WWOX: variants seen among roughly 807,000 people sequenced by gnomAD.
WWOX encodes the protein WW domain-containing oxidoreductase.
Under a neutral mutation model 46.2 loss-of-function variants are expected in WWOX, and 69 were observed. The observed-to-expected ratio is 1.49, with a 90% CI of 1.23 to 1.82. The LOEUF is 1.82. Among genes scored for constraint, WWOX ranks in the 40% most tolerant of loss-of-function variants. The pLI is 0.00. For missense variants in WWOX, 919 were observed against 542.6 expected (o/e 1.69, Z -6.89); for synonymous variants, 359 against 202.6 (o/e 1.77, Z -6.56).
At chr16:78,923,589 T>C (rs1457057818) in intron 8 of WWOX, among the ~76,000 whole-genome samples, 2 of 152,140 alleles carry the variant, frequency 1.3e-5, no homozygotes, top group Non-Finnish European at 2.9e-5. Context: ...TAGCAGCTTT[T>C]TCTACAAATC....
intron 4 of WWOX, among the ~76,000 whole-genome samples, chr16:78,126,733 G>C (rs1417954030): frequency 6.6e-6 from 1 of 152,172 alleles, no homozygotes; most frequent in Non-Finnish European, 1.5e-5. Context: ...TATTATGCCA[G>C]CTGCAACTCA....
intron 8 of WWOX, among the ~76,000 whole-genome samples, chr16:79,210,014 A>T (rs746908020): frequency 1.3e-5 from 2 of 152,204 alleles, no homozygotes; most frequent in Non-Finnish European, 2.9e-5. Context: ...GGAGGTAACA[A>T]ACCAGCTACT....
At chr16:78,714,668 C>G (rs1055674851) in intron 8 of WWOX, among the ~76,000 whole-genome samples, 15 of 152,118 alleles carry the variant, frequency 9.9e-5, no homozygotes, top group African/African-American at 3.6e-4. Flanking sequence ...AATGAGACCT[C>G]TGGTAGTAAG....
chr16:78,694,508 A>C (rs566610077), intron 8 of WWOX, among the ~76,000 whole-genome samples: 1 of 152,146 alleles, frequency 6.6e-6, no homozygotes, highest in Non-Finnish European at 1.5e-5. Flanking sequence ...TATCCATTTG[A>C]AATTCAGTGC....
chr16:78,587,270 C>G (rs2045232940), intron 8 of WWOX, among the ~76,000 whole-genome samples: 1 of 146,562 alleles, frequency 6.8e-6, no homozygotes, highest in Admixed American at 7.0e-5. Context: ...TGGGCTCAAG[C>G]AATCCTCCCA....
rs572728978 is a variant in WWOX, at chr16:78,972,998, G to A, written c.1057-238610G>A. On this transcript the variant is annotated intron_variant, in intron 8 of 8. Coordinates refer to ENST00000566780, the MANE Select transcript of WWOX (RefSeq NM_016373.4). ...ATTGATTCATAAGATCCCTTCCTCC[G>A]ATCGCATTGAAGAGTTAATTATTTT... is the stretch of plus-strand genomic sequence containing the variant. 5.3e-5 allele frequency among the ~76,000 whole-genome samples: 8 copies of A among 152,252 alleles called. No individual in the cohort carries two copies. In the East Asian group the frequency reaches 7.7e-4, roughly 15 times the overall value.
chr16:78,524,490 G>A (rs9938332), intron 8 of WWOX, among the ~76,000 whole-genome samples: 6,189 of 151,758 alleles, frequency 0.041, 245 homozygotes, highest in African/African-American at 0.11. Context: ...GCATGATCTC[G>A]GCTCACTGCA....
intron 8 of WWOX, among the ~76,000 whole-genome samples, chr16:78,913,941 A>T (rs1189461585): frequency 1.3e-5 from 2 of 152,030 alleles, no homozygotes; most frequent in Non-Finnish European, 2.9e-5. Context: ...GATTATAGAC[A>T]TGATCCACTG....
At chr16:78,886,710 TAGAG>T (rs1160205918) in intron 8 of WWOX, among the ~76,000 whole-genome samples, 1 of 150,606 alleles carries the variant, frequency 6.6e-6, no homozygotes, top group African/African-American at 2.4e-5. Flanking sequence ...GAAAAACATA[TAGAG>T]AAAGAATATG....
intron 5 of WWOX, among the ~76,000 whole-genome samples, chr16:78,325,497 T>G (rs887687274): frequency 1.1e-4 from 16 of 152,186 alleles, no homozygotes; most frequent in African/African-American, 3.6e-4. Context: ...ATTATTAGAA[T>G]GACAAATGAG....
intron 8 of WWOX, among the ~76,000 whole-genome samples, chr16:78,583,673 C>T (rs576284297): frequency 2.6e-5 from 4 of 152,206 alleles, no homozygotes; most frequent in African/African-American, 4.8e-5. Context: ...CATCAGGCAG[C>T]GGGTTGGGGG....
chr16:78,498,447 A>G (rs1231463021), intron 8 of WWOX, among the ~76,000 whole-genome samples: 5 of 152,148 alleles, frequency 3.3e-5, no homozygotes, highest in Non-Finnish European at 5.9e-5. Flanking sequence ...TAAACCACAC[A>G]TGGCCTGCTC....
intron 8 of WWOX, among the ~76,000 whole-genome samples, chr16:78,695,986 C>T (rs929462456): frequency 1.3e-5 from 2 of 152,192 alleles, no homozygotes; most frequent in African/African-American, 2.4e-5. Context: ...CCCAGACCTC[C>T]TGAATGTGAA....
Position 78,343,472 on chromosome 16 carries a change from T to A in WWOX, c.517-43388T>A, listed in dbSNP as rs148722971. On this transcript the variant is annotated intron_variant, in intron 5 of 8. Transcript: ENST00000566780. ...GACCTGAAGATGTATATCCCTTGTTTTCAGATTCCTCGCCTCTCATCATGT... is the reference window on the plus strand; with the variant it reads ...GACCTGAAGATGTATATCCCTTGTTATCAGATTCCTCGCCTCTCATCATGT... 2.5e-5 allele frequency among the ~76,000 whole-genome samples: 3 copies of A among 120,788 alleles called. 1 individual carries two copies. The highest frequency in any genetic ancestry group is 8.1e-5 in the Admixed American group (1 of 12,408). The allele number at this position is 120,788 out of a possible 152,430, so 79.2% of individuals were successfully genotyped here.
chr16:79,014,428 T>G (rs1486119329), intron 8 of WWOX, among the ~76,000 whole-genome samples: 1 of 152,202 alleles, frequency 6.6e-6, no homozygotes, highest in Non-Finnish European at 1.5e-5. Flanking sequence ...TGTCTATGTT[T>G]TCCTGGATCG....
chr16:78,455,126 C>G (rs1337284770), intron 8 of WWOX, among the ~76,000 whole-genome samples: 1 of 152,094 alleles, frequency 6.6e-6, no homozygotes, highest in African/African-American at 2.4e-5. Context: ...GCTTTTCTGT[C>G]TTGAGGATAG....
At chr16:79,128,023 A>G (rs936587863) in intron 8 of WWOX, among the ~76,000 whole-genome samples, 1 of 152,160 alleles carries the variant, frequency 6.6e-6, no homozygotes, top group African/African-American at 2.4e-5. Context: ...ATCATTGATG[A>G]GTGACTGGAT....
chr16:78,739,675 C>A lies in WWOX; in HGVS notation c.1056+306923C>A, dbSNP rs8048347. Among the ~76,000 whole-genome samples, 1,450 of 151,944 alleles carry A rather than the reference C, an allele frequency of 9.5e-3. 21 individuals are homozygous for A. Among genetic ancestry groups the A allele is most frequent in the African/African-American group, 0.033 (1,371 of 41,416 alleles). ...AAAACACAAAAATTAGCTTGGCTTC[C>A]TGGTGCATGCCTGTAATCCCAGCTA... On this transcript the variant is annotated intron_variant, in intron 8 of 8. Coordinates refer to ENST00000566780, the MANE Select transcript of WWOX (RefSeq NM_016373.4).
At chr16:79,040,275 A>AT (rs35194921) in intron 8 of WWOX, among the ~76,000 whole-genome samples, 105,904 of 139,218 alleles carry the variant, frequency 0.76, 40,732 homozygotes, top group East Asian at 0.94. Flanking sequence ...TTCTGAGTTG[A>AT]TTTTTTTTTT....
Sources: gnomAD v4.1 joint callset for allele counts (sites outside exome capture counted in the v4.1 genomes callset) on GRCh38, gnomAD v4.1.1 for gene constraint, MANE v1.5 for transcripts, NCBI Gene and HGNC (gene_info 2026-07-23, HGNC 2026-07-21) for gene names.